PSD3: variants seen among roughly 807,000 people sequenced by gnomAD.
The protein encoded by PSD3 is pleckstrin and Sec7 domain containing 3, also known as PH and SEC7 domain-containing protein 3.
In PSD3, 49 loss-of-function variants were observed where a neutral mutation model predicts 105.5. The observed-to-expected ratio is 0.46, with a 90% CI of 0.37 to 0.59. The LOEUF (loss-of-function observed/expected upper bound fraction) is 0.59. Among genes scored for constraint, PSD3 ranks in the 20% least tolerant of loss-of-function variants. The pLI is 0.00. For synonymous variants in PSD3, 557 were observed against 457.8 expected (o/e 1.22, Z -2.77); for missense variants, 1,561 against 1,263.8 (o/e 1.24, Z -3.57).
At chr8:18,742,415 G>A (rs1457121506) in intron 9 of PSD3, among the ~76,000 whole-genome samples, 1 of 152,118 alleles carries the variant, frequency 6.6e-6, no homozygotes, top group African/African-American at 2.4e-5. Flanking sequence ...ACTTCAGAAT[G>A]ACACAGGCAT....
chr8:19,052,111 G>C (rs918545139), intron 1 of PSD3, among the ~76,000 whole-genome samples: 1 of 152,208 alleles, frequency 6.6e-6, no homozygotes, highest in Non-Finnish European at 1.5e-5. Flanking sequence ...CAAAGGTGGA[G>C]GCTGGAAGAG....
chr8:18,809,193 T>C (rs914851523), intron 4 of PSD3, among the ~76,000 whole-genome samples: 14 of 152,186 alleles, frequency 9.2e-5, no homozygotes, highest in Non-Finnish European at 1.8e-4. Flanking sequence ...CTCTTTTCTA[T>C]GGTTGTTTTA....
At chr8:18,785,563 C>T (rs1316767638) in intron 8 of PSD3, among the ~76,000 whole-genome samples, 1 of 152,194 alleles carries the variant, frequency 6.6e-6, no homozygotes, top group Non-Finnish European at 1.5e-5. Flanking sequence ...AGTAATAAGG[C>T]TGTTTTGCTT....
intron 4 of PSD3, among the ~76,000 whole-genome samples, chr8:18,836,952 G>GTT (rs772758713): frequency 8.0e-5 from 11 of 137,378 alleles, no homozygotes; most frequent in African/African-American, 1.1e-4. Context: ...TTTCTTACGT[G>GTT]TTTTTTTTTT....
At chr8:19,029,285 T>C (rs1193434628) in intron 1 of PSD3, among the ~76,000 whole-genome samples, 2 of 152,210 alleles carry the variant, frequency 1.3e-5, no homozygotes, top group African/African-American at 2.4e-5. Flanking sequence ...TTCTAAAACA[T>C]GAACACTCTA....
chr8:18,581,668 T>A (rs1802827389), intron 12 of PSD3, among the ~76,000 whole-genome samples: 1 of 152,188 alleles, frequency 6.6e-6, no homozygotes, highest in Admixed American at 6.5e-5. Flanking sequence ...TTGGTTTACA[T>A]CATGTTAACT....
At chr8:18,613,523 T>G (rs199541979) in intron 11 of PSD3, among the ~76,000 whole-genome samples, 2 of 151,740 alleles carry the variant, frequency 1.3e-5, no homozygotes, top group Non-Finnish European at 2.9e-5. Context: ...TCTTTCCTGG[T>G]CGTGTGACAA....
At chr8:18,877,113 G>C (rs950516916) in intron 2 of PSD3, among the ~76,000 whole-genome samples, 6 of 152,126 alleles carry the variant, frequency 3.9e-5, no homozygotes, top group African/African-American at 1.2e-4. Flanking sequence ...TTCTGTGAGT[G>C]GTCATTTTTC....
intron 1 of PSD3, among the ~76,000 whole-genome samples, chr8:19,067,911 C>G (rs191643383): frequency 6.6e-6 from 1 of 152,204 alleles, no homozygotes; most frequent in African/African-American, 2.4e-5. Flanking sequence ...CAGCTATCTG[C>G]CTTTAAATTT....
chr8:18,544,171 CA>C (rs201016537), intron 15 of PSD3, among the ~76,000 whole-genome samples: 1,684 of 106,028 alleles, frequency 0.016, 28 homozygotes, highest in African/African-American at 0.06. Flanking sequence ...AGAAACAAAC[CA>C]AAAAAAAAAA....
At chr8:18,821,074 C>G (rs1405832209) in intron 4 of PSD3, among the ~76,000 whole-genome samples, 1 of 152,080 alleles carries the variant, frequency 6.6e-6, no homozygotes, top group Non-Finnish European at 1.5e-5. Context: ...TGTTTAAAAA[C>G]AAGATTTTAT....
chr8:18,714,541 G>A (rs995289984), intron 9 of PSD3, among the ~76,000 whole-genome samples: 5 of 151,586 alleles, frequency 3.3e-5, no homozygotes, highest in African/African-American at 4.8e-5. Flanking sequence ...CCTCAATATC[G>A]CTAGTCATTA....
chr8:18,876,921 T>C (rs186207432), intron 2 of PSD3, among the ~76,000 whole-genome samples: 576 of 152,348 alleles, frequency 3.8e-3, no homozygotes, highest in African/African-American at 0.013. Context: ...TGCATTTCCC[T>C]AATGACTAAT....
chr8:18,582,816 CTTTTTT>C (rs71217386), intron 12 of PSD3, among the ~76,000 whole-genome samples: 3 of 125,472 alleles, frequency 2.4e-5, no homozygotes, highest in African/African-American at 1.0e-4. Context: ...CCACACTGAT[CTTTTTT>C]TTTTTTTTTT....
At chr8:19,056,159 G>C (rs961631945) in intron 1 of PSD3, among the ~76,000 whole-genome samples, 20 of 152,134 alleles carry the variant, frequency 1.3e-4, no homozygotes, top group African/African-American at 4.8e-4. Flanking sequence ...CCTTTTCTTT[G>C]ATCGTTTTCA....
At chr8:18,989,753 T>G (rs1825692519) in intron 1 of PSD3, among the ~76,000 whole-genome samples, 2 of 152,192 alleles carry the variant, frequency 1.3e-5, no homozygotes, top group Admixed American at 6.5e-5. Flanking sequence ...AGAGCCACCC[T>G]GCAAGTGGGG....
intron 1 of PSD3, among the ~76,000 whole-genome samples, chr8:18,987,323 T>C (rs1174809776): frequency 6.6e-6 from 1 of 151,852 alleles, no homozygotes; most frequent in Non-Finnish European, 1.5e-5. Flanking sequence ...AGTCTCGCAC[T>C]TTCGCCCAGG....
intron 1 of PSD3, among the ~76,000 whole-genome samples, chr8:19,002,489 G>A (rs1452739130): frequency 1.3e-5 from 2 of 151,900 alleles, no homozygotes; most frequent in Non-Finnish European, 2.9e-5. Context: ...GTACCATCAA[G>A]ATTGATTGTG....
chr8:18,586,024 A>G (rs1585308941), intron 12 of PSD3, among the ~76,000 whole-genome samples: 1 of 152,182 alleles, frequency 6.6e-6, no homozygotes, highest in East Asian at 1.9e-4. Context: ...GGGGAGAGCG[A>G]TCCCCAGCCT....
Sources: allele counts gnomAD v4.1 joint callset (sites outside exome capture counted in the v4.1 genomes callset), GRCh38; gene constraint gnomAD v4.1.1; transcripts MANE v1.5; gene names NCBI Gene and HGNC (gene_info 2026-07-23, HGNC 2026-07-21).